The following DSCAML1 variants were observed in gnomAD, a reference collection of about 807,000 sequenced individuals.
The protein encoded by DSCAML1 is DS cell adhesion molecule like 1, also known as cell adhesion molecule DSCAML1.
A neutral mutation model predicts 200.5 loss-of-function variants in DSCAML1; 38 were observed. That is an observed-to-expected ratio of 0.19 (90% CI 0.15 to 0.25). DSCAML1 has a LOEUF of 0.25. Among genes scored for constraint, DSCAML1 ranks in the 10% least tolerant of loss-of-function variants. The probability of loss-of-function intolerance (pLI) is 1.00; values close to 1 mark genes in which losing one functional copy is unlikely to be tolerated. For synonymous variants in DSCAML1, 1,215 were observed against 1,165.0 expected, an observed-to-expected ratio of 1.04 and a Z score of -0.87; for missense variants, 2,223 against 2,858.8, an observed-to-expected ratio of 0.78 and a Z score of 5.07.
chr11:117,562,527 G>T (rs1459796535), intron 3 of DSCAML1, among the ~76,000 whole-genome samples: 1 of 152,166 alleles, frequency 6.6e-6, no homozygotes, highest in Non-Finnish European at 1.5e-5. Flanking sequence ...CGACATGTGG[G>T]TCTCCTTGGC....
intron 3 of DSCAML1, among the ~76,000 whole-genome samples, chr11:117,760,854 A>G (rs2054787446): frequency 6.6e-6 from 1 of 152,222 alleles, no homozygotes; most frequent in Non-Finnish European, 1.5e-5. Context: ...CATCTATTCC[A>G]GCCCCTTCAC....
At chr11:117,641,806 A>T (rs757577140) in intron 3 of DSCAML1, among the ~76,000 whole-genome samples, 2 of 152,054 alleles carry the variant, frequency 1.3e-5, no homozygotes, top group African/African-American at 4.8e-5. Context: ...TCCCTCATGG[A>T]ATGAAGGGAG....
chr11:117,714,489 T>C (rs752872575), intron 3 of DSCAML1, among the ~76,000 whole-genome samples: 30 of 152,172 alleles, frequency 2.0e-4, no homozygotes, highest in Non-Finnish European at 3.5e-4. Flanking sequence ...ACATCCCATC[T>C]TGCCATTACC....
chr11:117,595,564 T>TA (rs934231806), intron 3 of DSCAML1, among the ~76,000 whole-genome samples: 2 of 152,204 alleles, frequency 1.3e-5, no homozygotes, highest in East Asian at 1.9e-4. Flanking sequence ...TAGGCTGTGA[T>TA]AAAAATGGCA....
intron 3 of DSCAML1, among the ~76,000 whole-genome samples, chr11:117,673,556 C>A (rs915291869): frequency 6.6e-6 from 1 of 152,224 alleles, no homozygotes; most frequent in Non-Finnish European, 1.5e-5. Context: ...ACTCCCCATG[C>A]CCAGGGAAGC....
chr11:117,650,701 G>GTGTGTGTGCGCA (rs1555194676), intron 3 of DSCAML1, among the ~76,000 whole-genome samples: 1 of 80,910 alleles, frequency 1.2e-5, no homozygotes, highest in Non-Finnish European at 3.0e-5. Flanking sequence ...GTGTGTGTGT[G>GTGTGTGTGCGCA]CGTGTGTGTG....
At chr11:117,553,465 T>C (rs1460057903) in intron 3 of DSCAML1, among the ~76,000 whole-genome samples, 2 of 152,170 alleles carry the variant, frequency 1.3e-5, no homozygotes, top group Non-Finnish European at 2.9e-5. Context: ...AGTTTAAACA[T>C]GGTCAAACGA....
chr11:117,540,264 A>G (rs1450896461), intron 3 of DSCAML1, among the ~76,000 whole-genome samples: 2 of 152,192 alleles, frequency 1.3e-5, no homozygotes, highest in East Asian at 3.9e-4. Context: ...CTCCTGTCAG[A>G]TCAGCAGCAG....
intron 3 of DSCAML1, among the ~76,000 whole-genome samples, chr11:117,598,617 C>A (rs1249286775): frequency 6.6e-6 from 1 of 152,188 alleles, no homozygotes; most frequent in African/African-American, 2.4e-5. Flanking sequence ...TAACTGATCT[C>A]TTTTATTCCC....
chr11:117,474,367 T>G (rs1359168443), intron 14 of DSCAML1, among the ~76,000 whole-genome samples: 1 of 152,174 alleles, frequency 6.6e-6, no homozygotes, highest in Non-Finnish European at 1.5e-5. Flanking sequence ...TCTGTGCAGG[T>G]GCATCCCCCT....
intron 3 of DSCAML1, among the ~76,000 whole-genome samples, chr11:117,743,482 A>T (rs531110226): frequency 3.6e-4 from 55 of 152,234 alleles, no homozygotes; most frequent in African/African-American, 1.2e-3. Context: ...TGTCCCCCCA[A>T]GCTCCACAGG....
intron 3 of DSCAML1, among the ~76,000 whole-genome samples, chr11:117,606,796 A>G (rs1031841951): frequency 3.3e-5 from 5 of 152,194 alleles, no homozygotes; most frequent in African/African-American, 1.2e-4. Context: ...TTGAGGAGAC[A>G]AATTTGGATT....
chr11:117,462,476 A>G (rs1442326360), intron 17 of DSCAML1, among the ~76,000 whole-genome samples: 1 of 152,208 alleles, frequency 6.6e-6, no homozygotes, highest in Non-Finnish European at 1.5e-5. Context: ...AAAGCGCAAG[A>G]CGGAGTCTGC....
chr11:117,550,972 G>A (rs1029529802), intron 3 of DSCAML1, among the ~76,000 whole-genome samples: 1 of 152,176 alleles, frequency 6.6e-6, no homozygotes. Context: ...CAGATTATGC[G>A]GGACATGGCC....
intron 3 of DSCAML1, among the ~76,000 whole-genome samples, chr11:117,675,056 T>C (rs995484121): frequency 1.3e-5 from 2 of 152,162 alleles, no homozygotes; most frequent in Non-Finnish European, 2.9e-5. Flanking sequence ...CTGTGTGACC[T>C]TGGGCAAGTT....
At position 117,428,476 on chromosome 11, in the gene DSCAML1, G is replaced by A. The variant is rs773507353; in HGVS notation, c.6014C>T (p.Ala2005Val). The change falls in exon 33 of 33, where the codon GCC becomes GTC. Residue 2005 changes from alanine (A) to valine (V), a missense_variant. Physicochemically the swap from Ala to Val is moderately conservative, Grantham distance 64 (BLOSUM62 0). Around this residue, in one of 7 missense-constraint regions of DSCAML1, gnomAD observed 280 missense variants for 213.4 expected, o/e 1.31. Coordinates refer to ENST00000651296, the MANE Select transcript of DSCAML1 (RefSeq NM_020693.4). The stretch of plus-strand genomic sequence containing the variant: ...GGCTCGTGGAGGCTCGGTGCTGGGG[G>A]CCGGAGGGGCAGCGCTGGGGGCGGT... ...PPTAPSAAPP[A>V]PSTEPPRAGG... is the part of the protein sequence containing the mutation. The A allele has an allele frequency of 8.5e-6, 13 of 1,534,528 alleles. No homozygotes were observed. The highest frequency in any genetic ancestry group is 8.3e-5 in the African/African-American group (6 of 72,052).
chr11:117,552,651 T>A (rs904953756), intron 3 of DSCAML1, among the ~76,000 whole-genome samples: 4 of 152,202 alleles, frequency 2.6e-5, no homozygotes, highest in African/African-American at 9.6e-5. Flanking sequence ...GAGGGTCCTG[T>A]AATCTGTGAA....
intron 11 of DSCAML1, among the ~76,000 whole-genome samples, chr11:117,496,149 T>A (rs1051109173): frequency 6.6e-6 from 1 of 152,174 alleles, no homozygotes; most frequent in Non-Finnish European, 1.5e-5. Context: ...TAACCTCACA[T>A]CACACTTCCA....
In DSCAML1 at chr11:117,516,497, T is replaced by C; in HGVS notation, c.1753A>G (p.Ile585Val). The C allele has an allele frequency of 6.2e-7, 1 of 1,613,894 alleles. No individual in the cohort carries two copies. Among genetic ancestry groups the C allele is most frequent in the East Asian group, 2.2e-5 (1 of 44,862 alleles). ...CSVLIQPQLS[I>V]SQSVHVAVKV... Reference sequence around the variant, plus strand: ...ACGGCTACGTGAACGCTCTGGCTGATGGAGAGCTGGGGCTGGATGAGGACA... The same window carrying C: ...ACGGCTACGTGAACGCTCTGGCTGACGGAGAGCTGGGGCTGGATGAGGACA... Residue 585 changes from isoleucine (I) to valine (V), a missense_variant, in exon 8 of 33, where the codon ATC (isoleucine) becomes GTC (valine). Ile to Val is a conservative substitution (Grantham distance 29). Coordinates refer to ENST00000651296, the MANE Select transcript of DSCAML1 (RefSeq NM_020693.4). This position sits in a 1 kb window ranked among gnomAD's most constrained non-coding sequence, Gnocchi z 5.7.
Sources: gnomAD v4.1 joint callset for allele counts (sites outside exome capture counted in the v4.1 genomes callset) on GRCh38, gnomAD v4.1.1 for gene constraint, gnomAD v4.1.1 regional missense constraint, Gnocchi (gnomAD v3.1) non-coding constraint, MANE v1.5 for transcripts, NCBI Gene and HGNC (gene_info 2026-07-23, HGNC 2026-07-21) for gene names.